Variants in OPCML observed in about 807,000 individuals in gnomAD.
OPCML encodes the protein opioid-binding protein/cell adhesion molecule.
Under a neutral mutation model 37.8 loss-of-function variants are expected in OPCML, and 13 were observed. That is an observed-to-expected ratio of 0.34 (90% CI 0.22 to 0.55). The LOEUF is 0.55. OPCML is among the 20% of genes least tolerant of loss of function. The pLI, the probability that OPCML is intolerant of heterozygous loss-of-function variation, is 0.91. For synonymous variants in OPCML, 176 were observed against 168.8 expected (o/e 1.04, Z -0.33); for missense variants, 341 against 435.6 (o/e 0.78, Z 1.93).
intron 1 of OPCML, among the ~76,000 whole-genome samples, chr11:133,490,472 G>A (rs1947631094): frequency 6.6e-6 from 1 of 152,182 alleles, no homozygotes; most frequent in Non-Finnish European, 1.5e-5. Context: ...GGCCCAGGAT[G>A]GCAGGCAAGG....
At chr11:132,876,092 G>C (rs1364812523) in intron 2 of OPCML, among the ~76,000 whole-genome samples, 1 of 152,164 alleles carries the variant, frequency 6.6e-6, no homozygotes, top group African/African-American at 2.4e-5. Flanking sequence ...GGTCCTGGGA[G>C]GGCATTGCCC....
chr11:133,486,838 C>T (rs1388098758), intron 1 of OPCML, among the ~76,000 whole-genome samples: 5 of 137,692 alleles, frequency 3.6e-5, no homozygotes, highest in African/African-American at 1.2e-4. Context: ...CTCGCTCTCT[C>T]CCCCCCTTCT....
intron 2 of OPCML, among the ~76,000 whole-genome samples, chr11:132,886,296 A>C (rs1345195682): frequency 2.6e-5 from 4 of 152,234 alleles, no homozygotes; most frequent in Non-Finnish European, 5.9e-5. Flanking sequence ...AACTTGAACA[A>C]CAACCATGCT....
At chr11:132,466,270 G>A (rs2136933920) in intron 4 of OPCML, among the ~76,000 whole-genome samples, 2 of 151,426 alleles carry the variant, frequency 1.3e-5, no homozygotes, top group African/African-American at 4.9e-5. Flanking sequence ...CGGATCACGA[G>A]GTCAGGAGAT....
chr11:133,022,266 A>G (rs1947469495), intron 1 of OPCML, among the ~76,000 whole-genome samples: 1 of 152,232 alleles, frequency 6.6e-6, no homozygotes, highest in Admixed American at 6.5e-5. Flanking sequence ...TCCCGATGGC[A>G]CACTCTTGTG....
chr11:133,172,870 A>G (rs1430294824), intron 1 of OPCML, among the ~76,000 whole-genome samples: 1 of 152,202 alleles, frequency 6.6e-6, no homozygotes, highest in African/African-American at 2.4e-5. Context: ...TATATATTAA[A>G]TACGTTATCT....
chr11:133,352,252 G>A (rs558039985), intron 1 of OPCML, among the ~76,000 whole-genome samples: 2 of 152,254 alleles, frequency 1.3e-5, no homozygotes, highest in African/African-American at 2.4e-5. Context: ...TAGGTACCCC[G>A]TTTCCTGAAG....
At chr11:132,644,658 A>C (rs1477912761) in intron 3 of OPCML, among the ~76,000 whole-genome samples, 1 of 152,218 alleles carries the variant, frequency 6.6e-6, no homozygotes, top group Admixed American at 6.5e-5. Flanking sequence ...CACAGGCCTG[A>C]AAACATCAAT....
chr11:133,221,873 T>C (rs1224657853), intron 1 of OPCML, among the ~76,000 whole-genome samples: 1 of 152,186 alleles, frequency 6.6e-6, no homozygotes, highest in Non-Finnish European at 1.5e-5. Flanking sequence ...CAATTCTCGA[T>C]TATCAGAGCA....
intron 2 of OPCML, among the ~76,000 whole-genome samples, chr11:132,730,867 CTGG>C (rs893271601): frequency 6.6e-6 from 1 of 151,898 alleles, no homozygotes; most frequent in African/African-American, 2.4e-5. Flanking sequence ...GGAAAATCAG[CTGG>C]TGAATATCAG....
At chr11:133,240,227 A>C (rs932681675) in intron 1 of OPCML, among the ~76,000 whole-genome samples, 2 of 151,564 alleles carry the variant, frequency 1.3e-5, no homozygotes, top group African/African-American at 2.4e-5. Flanking sequence ...AAAAAAAAAA[A>C]AAAAAAAACA....
chr11:132,951,448 C>T (rs1426836703), intron 1 of OPCML, among the ~76,000 whole-genome samples: 1 of 152,202 alleles, frequency 6.6e-6, no homozygotes, highest in Non-Finnish European at 1.5e-5. Flanking sequence ...ATTAGGGCCC[C>T]ATCCTTCTGA....
rs146857383 is a variant in OPCML, at chr11:133,391,308, G to A, written c.61+140956C>T. Among the ~76,000 whole-genome samples the A allele has an allele frequency of 5.6e-3, 847 of 152,274 alleles. 8 individuals are homozygous for A. Among genetic ancestry groups the A allele is most frequent in the African/African-American group, 0.019 (796 of 41,554 alleles). On this transcript the variant is annotated intron_variant, in intron 1 of 7. Coordinates refer to ENST00000524381, the MANE Select transcript of OPCML (RefSeq NM_001012393.5). ...TTGCTCCTCCAAGCCCATGGGGAGG[G>A]CCGCCTGTCCCTTTGGGGACTCCTG...
intron 1 of OPCML, among the ~76,000 whole-genome samples, chr11:133,437,670 C>T (rs905584340): frequency 1.4e-5 from 2 of 144,976 alleles, no homozygotes; most frequent in African/African-American, 5.1e-5. Context: ...CCCCTCTCAA[C>T]CCCGCTCACC....
chr11:133,309,586 T>C (rs1565563697), intron 1 of OPCML, among the ~76,000 whole-genome samples: 1 of 152,218 alleles, frequency 6.6e-6, no homozygotes, highest in Admixed American at 6.5e-5. Context: ...TATGGGAAAA[T>C]GGTTAACATT....
chr11:132,759,675 G>T (rs973504687), intron 2 of OPCML, among the ~76,000 whole-genome samples: 4 of 151,894 alleles, frequency 2.6e-5, no homozygotes, highest in Non-Finnish European at 2.9e-5. Context: ...TTGTCTTTTT[G>T]ATTCTTCTCT....
intron 2 of OPCML, among the ~76,000 whole-genome samples, chr11:132,824,901 C>T (rs1434731622): frequency 6.6e-6 from 1 of 152,102 alleles, no homozygotes; most frequent in South Asian, 2.1e-4. Flanking sequence ...CTTGTATGCT[C>T]CCTTCTCTGT....
intron 1 of OPCML, among the ~76,000 whole-genome samples, chr11:133,032,546 A>T (rs751429227): frequency 3.9e-5 from 6 of 152,230 alleles, no homozygotes; most frequent in Non-Finnish European, 7.3e-5. Flanking sequence ...GTACGATAGA[A>T]TCTGGGTAAC....
intron 1 of OPCML, among the ~76,000 whole-genome samples, chr11:133,520,700 C>A (rs1168880570): frequency 6.6e-6 from 1 of 152,176 alleles, no homozygotes; most frequent in Admixed American, 6.5e-5. Flanking sequence ...GTGACTGCAA[C>A]TGTAAGAGGC....
Sources: allele counts gnomAD v4.1 joint callset (sites outside exome capture counted in the v4.1 genomes callset), GRCh38; gene constraint gnomAD v4.1.1; transcripts MANE v1.5; gene names NCBI Gene and HGNC (gene_info 2026-07-23, HGNC 2026-07-21).